The following TMEM132B variants were observed in gnomAD, a reference collection of about 807,000 sequenced individuals.
TMEM132B encodes transmembrane protein 132B.
TMEM132B carries 18 observed loss-of-function variants against 90.8 expected under a neutral mutation model. That is an observed-to-expected ratio of 0.20 (90% CI 0.14 to 0.29). The LOEUF is 0.29. TMEM132B is among the 10% of genes least tolerant of loss of function. The pLI, the probability that TMEM132B is intolerant of heterozygous loss-of-function variation, is 1.00. For missense variants in TMEM132B, 1,096 were observed against 1,326.8 expected, an observed-to-expected ratio of 0.83 and a Z score of 2.70; for synonymous variants, 504 against 523.3, an observed-to-expected ratio of 0.96 and a Z score of 0.50.
intron 3 of TMEM132B, among the ~76,000 whole-genome samples, chr12:125,438,360 TAAG>T (rs1283036869): frequency 6.6e-6 from 1 of 152,184 alleles, no homozygotes; most frequent in Non-Finnish European, 1.5e-5. Context: ...CACCCACTTC[TAAG>T]AACCAAAGCA....
Position 125,498,209 on chromosome 12 carries a change from T to G in TMEM132B, c.1107-21230T>G, listed in dbSNP as rs1384039956. On this transcript the variant is annotated intron_variant, in intron 3 of 8. Transcript: ENST00000682704. This position sits in a 1 kb window ranked among gnomAD's most constrained non-coding sequence, Gnocchi z 4.5. Reference sequence around the variant, plus strand: ...GAGGGTGTATATTTCTATGTCCTGGTCAGAAGGCTGGGAGGATAATGAGAA... The same window carrying G: ...GAGGGTGTATATTTCTATGTCCTGGGCAGAAGGCTGGGAGGATAATGAGAA... Among the ~76,000 whole-genome samples the G allele has an allele frequency of 6.6e-6, 1 of 152,228 alleles. No individual in the cohort carries two copies. Among genetic ancestry groups the G allele is most frequent in the Non-Finnish European group, 1.5e-5 (1 of 68,040 alleles).
chr12:125,517,323 G>T, intron 3 of TMEM132B, among the ~76,000 whole-genome samples: 3 of 111,492 alleles, frequency 2.7e-5, no homozygotes, highest in African/African-American at 3.1e-5. Flanking sequence ...ACCATGCCCT[G>T]CTGATTTTTT....
chr12:125,609,689 C>A (rs748829953), intron 5 of TMEM132B, among the ~76,000 whole-genome samples: 8 of 151,344 alleles, frequency 5.3e-5, no homozygotes, highest in Non-Finnish European at 1.2e-4. Context: ...TGGTGGCGGG[C>A]GCCTGTAGTC....
At chr12:125,258,744 A>G (rs908869945) in intron 1 of TMEM132B, among the ~76,000 whole-genome samples, 1 of 152,204 alleles carries the variant, frequency 6.6e-6, no homozygotes, top group Non-Finnish European at 1.5e-5. Context: ...GTATGCTGCT[A>G]TCTTTAAAAA....
chr12:125,358,047 A>G lies in TMEM132B; in HGVS notation c.959+7704A>G, dbSNP rs1020409321. On this transcript the variant is annotated intron_variant, in intron 2 of 8. Coordinates refer to ENST00000682704, the MANE Select transcript of TMEM132B (RefSeq NM_001366854.1). ...TTGTACAAGTGTTTTGTGGTCGCCT[A>G]TTATATGTGGCATATCTTTGGTTTG... Among the ~76,000 whole-genome samples the G allele has an allele frequency of 5.9e-5, 9 of 152,184 alleles. No homozygotes were observed. In the South Asian group the frequency reaches 1.5e-3, roughly 25 times the overall value.
At chr12:125,575,991 C>G (rs185937767) in intron 4 of TMEM132B, among the ~76,000 whole-genome samples, 21 of 152,052 alleles carry the variant, frequency 1.4e-4, no homozygotes, top group African/African-American at 5.1e-4. Context: ...AATTTTAACA[C>G]TAGCTTGTGT....
In TMEM132B at chr12:125,545,467, TTC is replaced by T. The variant is rs539887690; in HGVS notation, c.1293+25844_1293+25845del. Among the ~76,000 whole-genome samples the T allele has an allele frequency of 5.9e-3, 900 of 152,296 alleles. 10 individuals are homozygous for T. The highest frequency in any genetic ancestry group is 0.021 in the African/African-American group (867 of 41,564). ...TCCACTGTCTCCTGCTCAAGATGAA[TTC>T]TGTCTTCTTCTGGTCATGGCACCAT... On this transcript the variant is annotated intron_variant, in intron 4 of 8. Coordinates refer to ENST00000682704, the MANE Select transcript of TMEM132B (RefSeq NM_001366854.1).
chr12:125,349,419 G>C lies in TMEM132B; in HGVS notation c.68-33G>C. 1 of 1,566,366 alleles carries C rather than the reference G, an allele frequency of 6.4e-7. No homozygotes were observed. The highest frequency in any genetic ancestry group is 8.6e-7 in the Non-Finnish European group (1 of 1,157,644). On this transcript the variant is annotated intron_variant, in intron 1 of 8. Transcript: ENST00000682704. The surrounding 1 kb of genome is among the most constrained non-coding windows in gnomAD (Gnocchi z 4.1). ...TTTATTTCATTACATCTCAGAACAC[G>C]GTTTTATTCTTTTGCTTTCCTTTCT...
At chr12:125,211,030 C>T (rs1873306476) in intron 1 of TMEM132B, among the ~76,000 whole-genome samples, 3 of 150,834 alleles carry the variant, frequency 2.0e-5, no homozygotes, top group Non-Finnish European at 3.0e-5. Context: ...GAGCTTGTGC[C>T]ATTGCACTCC....
intron 4 of TMEM132B, among the ~76,000 whole-genome samples, chr12:125,529,642 G>T (rs1883590690): frequency 6.6e-6 from 1 of 152,188 alleles, no homozygotes; most frequent in African/African-American, 2.4e-5. Flanking sequence ...CCAAGGAAGG[G>T]CCAGCAGGTG....
intron 1 of TMEM132B, among the ~76,000 whole-genome samples, chr12:125,337,945 A>G (rs770727433): frequency 6.6e-6 from 1 of 152,230 alleles, no homozygotes; most frequent in Non-Finnish European, 1.5e-5. Context: ...GATGACTTCT[A>G]TAATTATTCA....
rs76027081 is a variant in TMEM132B, at chr12:125,474,851, G to A, written c.1107-44588G>A. Among the ~76,000 whole-genome samples, 114 of 152,306 alleles carry A rather than the reference G, an allele frequency of 7.5e-4. 1 individual carries two copies. In the East Asian group the frequency reaches 0.02, roughly 26 times the overall value. On this transcript the variant is annotated intron_variant, in intron 3 of 8. Transcript: ENST00000682704. ...TATGCTGAAGTGGGCTGTCCCCTGC[G>A]CCTGGCAGAGGGCTGCCATCAGCTC...
At chr12:125,502,884 GA>G in intron 3 of TMEM132B, among the ~76,000 whole-genome samples, 1 of 152,230 alleles carries the variant, frequency 6.6e-6, no homozygotes, top group Non-Finnish European at 1.5e-5. Flanking sequence ...TAGGGATTGA[GA>G]ATGGACAACT....
chr12:125,641,746 C>A (rs1173920788), intron 5 of TMEM132B, among the ~76,000 whole-genome samples: 1 of 152,110 alleles, frequency 6.6e-6, no homozygotes, highest in East Asian at 1.9e-4. Flanking sequence ...TCACAGTTTC[C>A]AAAACTGGTG....
At chr12:125,333,465 A>T (rs1411914661) in intron 1 of TMEM132B, among the ~76,000 whole-genome samples, 3 of 152,248 alleles carry the variant, frequency 2.0e-5, no homozygotes, top group Non-Finnish European at 4.4e-5. Context: ...CATGAAGAAT[A>T]AATGTCTAAG....
chr12:125,244,237 G>T (rs1181435121), intron 1 of TMEM132B, among the ~76,000 whole-genome samples: 1 of 152,088 alleles, frequency 6.6e-6, no homozygotes, highest in Non-Finnish European at 1.5e-5. Context: ...CATTTTTCCC[G>T]AACACCCATT....
At chr12:125,386,625 T>G (rs1878843483) in intron 2 of TMEM132B, among the ~76,000 whole-genome samples, 1 of 152,044 alleles carries the variant, frequency 6.6e-6, no homozygotes, top group Non-Finnish European at 1.5e-5. Context: ...AGACAAGGAG[T>G]GAGCAGGCTG....
intron 3 of TMEM132B, among the ~76,000 whole-genome samples, chr12:125,463,861 G>T (rs935745191): frequency 1.3e-5 from 2 of 152,198 alleles, no homozygotes; most frequent in African/African-American, 2.4e-5. Context: ...CTGCATGGCT[G>T]GAGAGGCCTC....
At chr12:125,297,791 A>T (rs1875708895) in intron 1 of TMEM132B, among the ~76,000 whole-genome samples, 1 of 152,130 alleles carries the variant, frequency 6.6e-6, no homozygotes, top group Non-Finnish European at 1.5e-5. Flanking sequence ...GAGTGGACCC[A>T]TAAATGAAGG....
Sources: gnomAD v4.1 joint callset for allele counts (sites outside exome capture counted in the v4.1 genomes callset) on GRCh38, gnomAD v4.1.1 for gene constraint, Gnocchi (gnomAD v3.1) non-coding constraint, MANE v1.5 for transcripts, NCBI Gene and HGNC (gene_info 2026-07-23, HGNC 2026-07-21) for gene names.